HAPLN2: variants seen among roughly 807,000 people sequenced by gnomAD.
The protein encoded by HAPLN2 is hyaluronan and proteoglycan link protein 2.
In HAPLN2, 27 loss-of-function variants were observed where a neutral mutation model predicts 29.3. The ratio of observed to expected loss-of-function variants is 0.92; its 90% CI spans 0.68 to 1.27. HAPLN2 has a LOEUF of 1.27. Ranked by LOEUF, HAPLN2 falls within the 50% of genes most tolerant of loss-of-function variation. The pLI, the probability that HAPLN2 is intolerant of heterozygous loss-of-function variation, is 0.00. For missense variants in HAPLN2, 454 were observed against 484.3 expected, an observed-to-expected ratio of 0.94 and a Z score of 0.59; for synonymous variants, 208 against 211.7, an observed-to-expected ratio of 0.98 and a Z score of 0.15.
chr1:156,624,501 GC>G (rs1252525246), intron 5 of HAPLN2, 34 bp downstream of exon 5: 1 of 1,607,964 alleles, frequency 6.2e-7, no homozygotes, highest in South Asian at 1.1e-5. Flanking sequence ...CCCAAGCCCC[GC>G]GGAGCTGTCT....
In HAPLN2 at chr1:156,625,086, C is replaced by G. The variant is rs1362926430; in HGVS notation, c.740-15C>G. 1 of 1,535,286 alleles carries G rather than the reference C, an allele frequency of 6.5e-7. No homozygotes were observed. Among genetic ancestry groups the G allele is most frequent in the Non-Finnish European group, 8.7e-7 (1 of 1,146,200 alleles). On this transcript the variant is annotated splice_polypyrimidine_tract_variant and intron_variant, in intron 6 of 6. Transcript: ENST00000255039. The surrounding 1 kb of genome is among the most constrained non-coding windows in gnomAD (Gnocchi z 5.7). ...CCCACCCTGCCCTCGGTCGGTGACC[C>G]GCTGTGGTCCCCAGGCCAAGTGTTC...
Position 156,625,178 on chromosome 1 carries a change from GC to G in HAPLN2, c.819del (p.Lys274ArgfsTer14). The G allele has an allele frequency of 6.5e-7, 1 of 1,547,848 alleles. No homozygotes were observed. The highest frequency in any genetic ancestry group is 1.2e-5 in the South Asian group (1 of 84,114). ...GTGCCGGCGACGCGGCGCCGTGGTGGCCAAGGTTGGGCACCTCTACGCCGCC... is the reference window on the plus strand; with the variant it reads ...GTGCCGGCGACGCGGCGCCGTGGTGGCAAGGTTGGGCACCTCTACGCCGCC... Reference protein sequence around the residue: ...AACRRRGAVVAKVGHLYAAWK... With the variant: ...AACRRRGAVVXKVGHLYAAWK... On this transcript the variant is annotated frameshift_variant, in exon 7 of 7. Transcript: ENST00000255039. LOFTEE classifies it low-confidence loss of function (END_TRUNC). This position sits in a 1 kb window ranked among gnomAD's most constrained non-coding sequence, Gnocchi z 5.7.
chr1:156,615,572 C>CT (rs770223466), upstream of HAPLN2, among the ~76,000 whole-genome samples: 3,122 of 81,682 alleles, frequency 0.038, 89 homozygotes, highest in African/African-American at 0.1. Flanking sequence ...CTCTCTCTCT[C>CT]TTTTTTTTTT....
At chr1:156,622,067 C>G (rs1174258742) in intron 2 of HAPLN2, among the ~76,000 whole-genome samples, 1 of 152,032 alleles carries the variant, frequency 6.6e-6, no homozygotes, top group African/African-American at 2.4e-5. Context: ...TATTTTTTAA[C>G]TTCATAATTT....
chr1:156,618,297 C>A (rs1245632808), upstream of HAPLN2, among the ~76,000 whole-genome samples: 5 of 99,926 alleles, frequency 5.0e-5, no homozygotes, highest in East Asian at 1.2e-3. Flanking sequence ...CAGAGCCAGA[C>A]TCTGTCTCAA....
upstream of HAPLN2, among the ~76,000 whole-genome samples, chr1:156,615,664 G>C (rs1442352402): frequency 6.6e-6 from 1 of 150,888 alleles, no homozygotes; most frequent in Non-Finnish European, 1.5e-5. Flanking sequence ...TCCGCCTCCT[G>C]GGTTCAAGTG....
chr1:156,606,359 C>T, the HAPLN2 span, among the ~76,000 whole-genome samples: 1 of 138,256 alleles, frequency 7.2e-6, no homozygotes, highest in Non-Finnish European at 1.5e-5. Flanking sequence ...GGGAGAATTG[C>T]TTGGAGCCTG....
intron 6 of HAPLN2, 142 bp from the exon 7 acceptor site, chr1:156,624,959 C>A: frequency 8.7e-7 from 1 of 1,148,816 alleles, no homozygotes; most frequent in Non-Finnish European, 1.2e-6. Context: ...CCTCCCTGCA[C>A]TTTTGCCTCG....
At chr1:156,622,995 C>T (rs1010561518) in intron 2 of HAPLN2, among the ~76,000 whole-genome samples, 23 of 146,774 alleles carry the variant, frequency 1.6e-4, no homozygotes, top group Admixed American at 4.3e-4. Context: ...GATCATGCCA[C>T]GGGACTCCAG....
At position 156,623,519 on chromosome 1, in the gene HAPLN2, T is replaced by C. The variant is rs1171649055; in HGVS notation, c.29T>C (p.Leu10Pro). 1 of 1,613,996 alleles carries C rather than the reference T, an allele frequency of 6.2e-7. No homozygotes were observed. The highest frequency in any genetic ancestry group is 8.5e-7 in the Non-Finnish European group (1 of 1,179,982). Residue 10 changes from leucine (L) to proline (P), a missense_variant, in exon 3 of 7, where the codon CTC becomes CCC. Around this residue, in one of 3 missense-constraint regions of HAPLN2, gnomAD observed 204 missense variants for 209.2 expected, o/e 0.98. Coordinates refer to ENST00000255039, the MANE Select transcript of HAPLN2 (RefSeq NM_021817.3). MPGWLTLPTLCRFLLWAFTI... is the reference protein window; with the variant it reads MPGWLTLPTPCRFLLWAFTI... ...CCAGGCTGGCTCACCCTCCCCACAC[T>C]CTGCCGCTTCCTTCTTTGGGCCTTC...
intron 3 of HAPLN2, 113 bp downstream of exon 3, chr1:156,623,688 G>A: frequency 6.5e-7 from 1 of 1,532,242 alleles, no homozygotes; most frequent in Non-Finnish European, 8.8e-7. Flanking sequence ...TCATTGCTGA[G>A]AAGGCAATGG....
At chr1:156,610,636 G>A in the HAPLN2 span, among the ~76,000 whole-genome samples, 359 of 146,814 alleles carry the variant, frequency 2.4e-3, 1 homozygote, top group Middle Eastern at 0.014. Context: ...GCAAAACTCC[G>A]TCTCAAAAAA....
At chr1:156,602,539 C>A in the HAPLN2 span, among the ~76,000 whole-genome samples, 1 of 41,680 alleles carries the variant, frequency 2.4e-5, no homozygotes, top group Admixed American at 3.9e-4. Context: ...GAGACACCGA[C>A]TAAAAATACC....
the HAPLN2 span, among the ~76,000 whole-genome samples, chr1:156,609,075 A>G: frequency 6.6e-6 from 1 of 152,172 alleles, no homozygotes; most frequent in Non-Finnish European, 1.5e-5. Context: ...GAACACAGGA[A>G]AAACAGAGGT....
the HAPLN2 span, among the ~76,000 whole-genome samples, chr1:156,606,423 TAA>T: frequency 4.4e-4 from 22 of 49,474 alleles, no homozygotes; most frequent in African/African-American, 1.5e-3. Context: ...AGACTCTGTC[TAA>T]AAAAAAAAAA....
At chr1:156,621,832 T>C (rs1386067957) in intron 2 of HAPLN2, among the ~76,000 whole-genome samples, 1 of 151,594 alleles carries the variant, frequency 6.6e-6, no homozygotes, top group East Asian at 1.9e-4. Context: ...AGCCCAGGAA[T>C]TGGGCAACCT....
upstream of HAPLN2, among the ~76,000 whole-genome samples, chr1:156,614,585 T>C (rs529693324): frequency 1.4e-5 from 2 of 147,582 alleles, no homozygotes; most frequent in African/African-American, 2.5e-5. Flanking sequence ...CGTGTAGATC[T>C]TACTTCTGGG....
chr1:156,621,733 G>GA lies in HAPLN2; in HGVS notation c.-25+1592dup, dbSNP rs58393811. On this transcript the variant is annotated intron_variant, in intron 2 of 6. Transcript: ENST00000255039. The stretch of plus-strand genomic sequence containing the variant: ...GAGTGAAACTCCCTCTCAGAAAAAA[G>GA]AAAAAAAAAAAAAAAAAGAATGTTA... 6.7e-3 allele frequency among the ~76,000 whole-genome samples: 829 copies of GA among 123,542 alleles called. 6 individuals are homozygous for GA. Among genetic ancestry groups the GA allele is most frequent in the African/African-American group, 0.024 (780 of 32,310 alleles). 81.0% of individuals were successfully genotyped at this position (123,542 alleles called of 152,430 possible). A position where few individuals can be genotyped will look rare whatever the true frequency, so the allele number is the denominator to read the frequency against.
chr1:156,623,841 C>CA lies in HAPLN2; in HGVS notation c.121dup (p.Ile41AsnfsTer155). ...CGGGCCCCCACTACCTCCTGCCCCC[C>CA]ATCCACGAGGTCATTCACTCTCATC... On this transcript the variant is annotated frameshift_variant, in exon 4 of 7. Coordinates refer to ENST00000255039, the MANE Select transcript of HAPLN2 (RefSeq NM_021817.3). LOFTEE classifies it high-confidence loss of function. The CA allele has an allele frequency of 6.5e-7, 1 of 1,540,746 alleles. No homozygotes were observed. The highest frequency in any genetic ancestry group is 8.7e-7 in the Non-Finnish European group (1 of 1,144,368).
Sources: allele counts gnomAD v4.1 joint callset (sites outside exome capture counted in the v4.1 genomes callset), GRCh38; gene constraint gnomAD v4.1.1; regional missense constraint gnomAD v4.1.1; non-coding constraint Gnocchi (gnomAD v3.1); transcripts MANE v1.5; gene names NCBI Gene and HGNC (gene_info 2026-07-23, HGNC 2026-07-21).